Variants in OPCML observed in about 807,000 individuals in gnomAD.
OPCML encodes opioid binding protein/cell adhesion molecule like.
Under a neutral mutation model 37.8 loss-of-function variants are expected in OPCML, and 13 were observed. The observed-to-expected ratio is 0.34, with a 90% CI of 0.22 to 0.55. The LOEUF is 0.55. Among genes scored for constraint, OPCML ranks in the 20% least tolerant of loss-of-function variants. OPCML has a pLI of 0.91. For synonymous variants in OPCML, 176 were observed against 168.8 expected (o/e 1.04, Z -0.33); for missense variants, 341 against 435.6 (o/e 0.78, Z 1.93).
chr11:132,644,743 C>G (rs1340360312), intron 3 of OPCML, among the ~76,000 whole-genome samples: 4 of 152,130 alleles, frequency 2.6e-5, no homozygotes, highest in African/African-American at 7.2e-5. Context: ...AAACTGTTAA[C>G]CGTGGTAATG....
intron 4 of OPCML, among the ~76,000 whole-genome samples, chr11:132,441,282 C>T (rs1324460852): frequency 5.5e-5 from 8 of 146,266 alleles, no homozygotes; most frequent in African/African-American, 2.1e-4. Flanking sequence ...ATTCTCCTGC[C>T]TCAGCCTCCC....
chr11:133,390,192 C>CTCACGCCTGTAA (rs1945137425), intron 1 of OPCML, among the ~76,000 whole-genome samples: 1 of 152,236 alleles, frequency 6.6e-6, no homozygotes, highest in Non-Finnish European at 1.5e-5. Flanking sequence ...AACGCGGTGG[C>CTCACGCCTGTAA]TCACGCCTGT....
intron 1 of OPCML, among the ~76,000 whole-genome samples, chr11:133,390,656 T>C (rs1338191800): frequency 6.6e-6 from 1 of 152,002 alleles, no homozygotes; most frequent in East Asian, 1.9e-4. Context: ...GGTGGGGCCT[T>C]AGGGAGGTCT....
At chr11:132,498,596 C>T (rs1420519303) in intron 4 of OPCML, among the ~76,000 whole-genome samples, 1 of 152,184 alleles carries the variant, frequency 6.6e-6, no homozygotes, top group Non-Finnish European at 1.5e-5. Flanking sequence ...TACTCTACGA[C>T]CCCTCCACAG....
rs1361153711 is a variant in OPCML, at chr11:132,769,531, A to G, written c.147-112212T>C. Among the ~76,000 whole-genome samples, 3 of 152,308 alleles carry G rather than the reference A, an allele frequency of 2.0e-5. No individual in the cohort carries two copies. The East Asian group carries it at 5.8e-4, about 29-fold the overall frequency. On this transcript the variant is annotated intron_variant, in intron 2 of 7. Transcript: ENST00000524381. ...TCCCATAGCTCACACACAGCTGCCC[A>G]TTGTCAAAAACAAAAGCAATGAGTG... is the stretch of plus-strand genomic sequence containing the variant.
chr11:133,004,073 A>G, intron 1 of OPCML: 1 of 985,416 alleles, frequency 1.0e-6, no homozygotes, highest in Non-Finnish European at 1.2e-6. Flanking sequence ...AGAGGCAAAG[A>G]GCAGGGGCTG....
At chr11:133,167,100 A>T (rs1950217934) in intron 1 of OPCML, among the ~76,000 whole-genome samples, 1 of 152,206 alleles carries the variant, frequency 6.6e-6, no homozygotes, top group Admixed American at 6.5e-5. Context: ...CTGAGAAAGC[A>T]GAGAGGTACA....
intron 4 of OPCML, among the ~76,000 whole-genome samples, chr11:132,444,646 CT>C (rs2096048605): frequency 6.6e-6 from 1 of 152,150 alleles, no homozygotes; most frequent in African/African-American, 2.4e-5. Flanking sequence ...AACTTAATCC[CT>C]GCAGAACTCC....
intron 1 of OPCML, among the ~76,000 whole-genome samples, chr11:133,487,151 T>C (rs1245039502): frequency 6.6e-6 from 1 of 152,154 alleles, no homozygotes; most frequent in Non-Finnish European, 1.5e-5. Context: ...AAATTGCAAA[T>C]CAAATCATTC....
At chr11:133,311,197 T>C (rs1031931668) in intron 1 of OPCML, among the ~76,000 whole-genome samples, 4 of 152,222 alleles carry the variant, frequency 2.6e-5, no homozygotes, top group Non-Finnish European at 4.4e-5. Flanking sequence ...TTTTAAAGCA[T>C]TGCTTTGGAT....
At chr11:132,685,964 T>C (rs1325791630) in intron 2 of OPCML, among the ~76,000 whole-genome samples, 1 of 152,198 alleles carries the variant, frequency 6.6e-6, no homozygotes, top group African/African-American at 2.4e-5. Flanking sequence ...TGGGCCTCTA[T>C]TATTGTTCTG....
chr11:132,714,651 G>A (rs1291799667), intron 2 of OPCML, among the ~76,000 whole-genome samples: 7 of 152,202 alleles, frequency 4.6e-5, no homozygotes, highest in Non-Finnish European at 1.0e-4. Flanking sequence ...AGTGGAAACA[G>A]GCCGAGAGCA....
intron 2 of OPCML, among the ~76,000 whole-genome samples, chr11:132,714,731 C>G (rs1308473401): frequency 1.3e-5 from 2 of 152,152 alleles, no homozygotes; most frequent in Non-Finnish European, 2.9e-5. Flanking sequence ...CCCCTGCGGC[C>G]TGAAATACAT....
intron 3 of OPCML, among the ~76,000 whole-genome samples, chr11:132,656,717 A>G (rs988900780): frequency 6.6e-6 from 1 of 152,212 alleles, no homozygotes; most frequent in Non-Finnish European, 1.5e-5. Context: ...TTCGTCTTTT[A>G]TCATGAAATA....
At chr11:133,216,201 C>T (rs1223312241) in intron 1 of OPCML, among the ~76,000 whole-genome samples, 5 of 152,268 alleles carry the variant, frequency 3.3e-5, no homozygotes, top group East Asian at 1.9e-4. Context: ...GAGCTCAATA[C>T]CTCTGGGGCA....
intron 2 of OPCML, among the ~76,000 whole-genome samples, chr11:132,839,373 C>CA (rs1283440235): frequency 1.3e-5 from 2 of 152,180 alleles, no homozygotes; most frequent in Non-Finnish European, 2.9e-5. Flanking sequence ...ATCGGAACCG[C>CA]AAGCATGAAA....
At chr11:132,775,373 A>G (rs1286249098) in intron 2 of OPCML, among the ~76,000 whole-genome samples, 1 of 152,154 alleles carries the variant, frequency 6.6e-6, no homozygotes, top group African/African-American at 2.4e-5. Flanking sequence ...ATGTGTTGTG[A>G]TTGCAACAGC....
chr11:133,260,992 C>T (rs1941478061), intron 1 of OPCML, among the ~76,000 whole-genome samples: 1 of 152,174 alleles, frequency 6.6e-6, no homozygotes, highest in Admixed American at 6.5e-5. Flanking sequence ...AAGTGCAGCT[C>T]CAGGTGACCT....
intron 1 of OPCML, among the ~76,000 whole-genome samples, chr11:133,196,467 C>A (rs4598679): frequency 1.3e-5 from 2 of 151,932 alleles, no homozygotes; most frequent in Non-Finnish European, 2.9e-5. Flanking sequence ...AAAATCTAAG[C>A]CCCTTGGTGA....
Sources: allele counts gnomAD v4.1 joint callset (sites outside exome capture counted in the v4.1 genomes callset), GRCh38; gene constraint gnomAD v4.1.1; transcripts MANE v1.5; gene names NCBI Gene and HGNC (gene_info 2026-07-23, HGNC 2026-07-21).